Variants in TBC1D19 observed in about 807,000 individuals in gnomAD.
The protein encoded by TBC1D19 is TBC1 domain family, member 19.
Under a neutral mutation model 89.0 loss-of-function variants are expected in TBC1D19, and 60 were observed. The observed-to-expected ratio is 0.67, with a 90% CI of 0.55 to 0.84. TBC1D19 has a LOEUF of 0.84. Ranked by LOEUF, TBC1D19 falls within the 40% of genes least tolerant of loss-of-function variation. The pLI, the probability that TBC1D19 is intolerant of heterozygous loss-of-function variation, is 0.00. For synonymous variants in TBC1D19, 189 were observed against 199.7 expected, an observed-to-expected ratio of 0.95 and a Z score of 0.45; for missense variants, 500 against 610.8, an observed-to-expected ratio of 0.82 and a Z score of 1.91.
the TBC1D19 span, among the ~76,000 whole-genome samples, chr4:26,795,912 C>T: frequency 6.6e-6 from 1 of 152,258 alleles, no homozygotes; most frequent in South Asian, 2.1e-4. Flanking sequence ...TACCCCCCAC[C>T]ATATGTATCC....
At chr4:26,584,913 C>T (rs549683523) in intron 1 of TBC1D19, 2 of 187,920 alleles carry the variant, frequency 1.1e-5, no homozygotes, top group African/African-American at 4.8e-5. Context: ...CATTTTGTGC[C>T]TGCTTTCTGG....
chr4:26,649,819 G>A (rs1369233825), intron 7 of TBC1D19, among the ~76,000 whole-genome samples: 9 of 151,556 alleles, frequency 5.9e-5, no homozygotes, highest in Admixed American at 6.6e-5. Context: ...CCATTAACTC[G>A]TCATTTAACA....
At chr4:26,746,563 A>G (rs539675545) in intron 18 of TBC1D19, among the ~76,000 whole-genome samples, 13 of 152,078 alleles carry the variant, frequency 8.5e-5, no homozygotes, top group Non-Finnish European at 1.9e-4. Context: ...TTCATACAAA[A>G]CATATTGAAC....
chr4:26,583,136 C>T (rs749138947), upstream of TBC1D19, among the ~76,000 whole-genome samples: 1 of 152,024 alleles, frequency 6.6e-6, no homozygotes, highest in Non-Finnish European at 1.5e-5. Context: ...TATGCATATA[C>T]ACATTTGAAC....
In TBC1D19 at chr4:26,613,981, G is replaced by A. The variant is rs200710844; in HGVS notation, c.173-427G>A. Among the ~76,000 whole-genome samples, 33 of 152,214 alleles carry A rather than the reference G, an allele frequency of 2.2e-4. No homozygotes were observed. In the East Asian group the frequency reaches 2.3e-3, roughly 11 times the overall value. ...TAACTCACAATAATCTGCCTCTGTC[G>A]TCCAGGACTTTGCTGACGTGTGAAT... On this transcript the variant is annotated intron_variant, in intron 2 of 20. Transcript: ENST00000264866.
intron 7 of TBC1D19, among the ~76,000 whole-genome samples, chr4:26,654,339 A>G (rs1026212650): frequency 4.6e-5 from 7 of 152,050 alleles, no homozygotes; most frequent in East Asian, 1.9e-4. Flanking sequence ...GGTGAATCTG[A>G]CAATTATGGG....
intron 3 of TBC1D19, among the ~76,000 whole-genome samples, chr4:26,616,050 G>A (rs954202480): frequency 2.6e-5 from 4 of 151,820 alleles, no homozygotes; most frequent in South Asian, 2.1e-4. Flanking sequence ...TGAATAACTC[G>A]TTGGGATTTT....
In TBC1D19 at chr4:26,645,594, G is replaced by T. The variant is rs138745897; in HGVS notation, c.480+5407G>T. ...CAATACCATTCAGGACATAGGCATG[G>T]GCAAGGACTTCACGTCTAAAACACC... On this transcript the variant is annotated intron_variant, in intron 7 of 20. Transcript: ENST00000264866. Among the ~76,000 whole-genome samples the T allele has an allele frequency of 2.7e-3, 411 of 152,226 alleles. 4 individuals carry two copies. Among genetic ancestry groups the T allele is most frequent in the African/African-American group, 9.2e-3 (381 of 41,530 alleles).
chr4:26,645,916 G>T (rs1743894513), intron 7 of TBC1D19, among the ~76,000 whole-genome samples: 1 of 151,904 alleles, frequency 6.6e-6, no homozygotes, highest in African/African-American at 2.4e-5. Context: ...GAGGTCAGGA[G>T]ATCGAGACCA....
chr4:26,583,891 C>T (rs1206266456), upstream of TBC1D19: 2 of 370,734 alleles, frequency 5.4e-6, no homozygotes, highest in Non-Finnish European at 1.0e-5. Context: ...GGCGCTGTGG[C>T]TCTGAAAGAA....
At chr4:26,849,802 C>T in the TBC1D19 span, among the ~76,000 whole-genome samples, 1 of 152,172 alleles carries the variant, frequency 6.6e-6, no homozygotes, top group African/African-American at 2.4e-5. Flanking sequence ...ATCCTAAATC[C>T]ATTTCTCAGG....
the TBC1D19 span, among the ~76,000 whole-genome samples, chr4:26,825,287 T>TG: frequency 6.6e-6 from 1 of 151,994 alleles, no homozygotes; most frequent in South Asian, 2.1e-4. Context: ...TTAGTAGAGA[T>TG]GGGGTTTCAC....
intron 9 of TBC1D19, among the ~76,000 whole-genome samples, chr4:26,671,621 G>A (rs1429933377): frequency 1.3e-5 from 2 of 151,710 alleles, no homozygotes; most frequent in Non-Finnish European, 3.0e-5. Context: ...AATGGCATTT[G>A]TAGAGCGAGA....
At chr4:26,855,504 C>T in the TBC1D19 span, among the ~76,000 whole-genome samples, 6 of 152,264 alleles carry the variant, frequency 3.9e-5, no homozygotes, top group South Asian at 2.1e-4. Context: ...ACAAAAATAC[C>T]GGAGTTCCTC....
intron 17 of TBC1D19, among the ~76,000 whole-genome samples, chr4:26,740,308 A>G (rs1176848989): frequency 2.0e-5 from 3 of 152,152 alleles, no homozygotes; most frequent in African/African-American, 7.2e-5. Flanking sequence ...TAAATAATAT[A>G]TTATCTCTAG....
At chr4:26,703,807 A>T (rs1195240527) in intron 13 of TBC1D19, among the ~76,000 whole-genome samples, 1 of 151,786 alleles carries the variant, frequency 6.6e-6, no homozygotes, top group African/African-American at 2.4e-5. Flanking sequence ...CAAAAAAAAA[A>T]AAAATTAGCT....
In TBC1D19 at chr4:26,680,032, G is replaced by A. The variant is rs189173210; in HGVS notation, c.817-3643G>A. Among the ~76,000 whole-genome samples the A allele has an allele frequency of 7.2e-5, 11 of 152,284 alleles. No individual in the cohort carries two copies. The East Asian group carries it at 1.9e-3, about 27-fold the overall frequency. ...CTCCATTTTGTTCTCGTGATAGTGA[G>A]TTAGTTCTCCTGAGATCTGATGGTT... On this transcript the variant is annotated intron_variant, in intron 11 of 20. Transcript: ENST00000264866.
the TBC1D19 span, among the ~76,000 whole-genome samples, chr4:26,765,363 A>G: frequency 6.6e-6 from 1 of 151,754 alleles, no homozygotes; most frequent in African/African-American, 2.4e-5. Context: ...TAGTTAAGTG[A>G]GACTGTGAAT....
At chr4:26,649,167 A>G (rs982889294) in intron 7 of TBC1D19, among the ~76,000 whole-genome samples, 1 of 151,792 alleles carries the variant, frequency 6.6e-6, no homozygotes, top group African/African-American at 2.4e-5. Context: ...TTAAACAAAT[A>G]CTATTTATAT....
Sources: allele counts gnomAD v4.1 joint callset (sites outside exome capture counted in the v4.1 genomes callset), GRCh38; gene constraint gnomAD v4.1.1; transcripts MANE v1.5; gene names NCBI Gene and HGNC (gene_info 2026-07-23, HGNC 2026-07-21).